The following SPAG16 variants were observed in gnomAD, a reference collection of about 807,000 sequenced individuals.
The protein encoded by SPAG16 is sperm-associated antigen 16 protein.
SPAG16 carries 86 observed loss-of-function variants against 80.4 expected under a neutral mutation model. The ratio of observed to expected loss-of-function variants is 1.07; its 90% CI spans 0.90 to 1.28. The LOEUF is 1.28. Ranked by LOEUF, SPAG16 falls within the 50% of genes most tolerant of loss-of-function variation. The pLI, the probability that SPAG16 is intolerant of heterozygous loss-of-function variation, is 0.00. For synonymous variants in SPAG16, 294 were observed against 265.9 expected, an observed-to-expected ratio of 1.11 and a Z score of -1.03; for missense variants, 870 against 765.3, an observed-to-expected ratio of 1.14 and a Z score of -1.61.
rs1329813118 is a variant in SPAG16 at position 214,026,902 on chromosome 2, C to G, written c.1527+12825C>G. 2.6e-5 allele frequency among the ~76,000 whole-genome samples: 4 copies of G among 151,538 alleles called. No homozygotes were observed. In the South Asian group the frequency reaches 6.2e-4, roughly 24 times the overall value. On this transcript the variant is annotated intron_variant, in intron 13 of 15. Transcript: ENST00000331683. ...GACTTCTTCAGTAAATCAAAGTCAT[C>G]ATTTTTTTCCCTTCAGCCTTTCCCC... is the stretch of plus-strand genomic sequence containing the variant.
At position 213,773,704 on chromosome 2, in the gene SPAG16, C is replaced by T. The variant is rs936066585; in HGVS notation, c.1071-88781C>T. 3.9e-4 allele frequency among the ~76,000 whole-genome samples: 60 copies of T among 152,218 alleles called. 1 individual carries two copies. Among genetic ancestry groups the T allele is most frequent in the African/African-American group, 1.4e-3 (58 of 41,542 alleles). On this transcript the variant is annotated intron_variant, in intron 10 of 15. Transcript: ENST00000331683. ...GAGTAGCTGGGATTACAGGCACCTG[C>T]CACCACGCCTGGCTAATTTTTGTAT...
intron 14 of SPAG16, among the ~76,000 whole-genome samples, chr2:214,134,968 C>T (rs2054969053): frequency 6.6e-6 from 1 of 152,168 alleles, no homozygotes; most frequent in Non-Finnish European, 1.5e-5. Flanking sequence ...AAAATGACAC[C>T]TTCCTGCCTT....
At chr2:214,340,485 T>C (rs929595935) in intron 15 of SPAG16, among the ~76,000 whole-genome samples, 1 of 152,170 alleles carries the variant, frequency 6.6e-6, no homozygotes, top group African/African-American at 2.4e-5. Context: ...TGCAACATTC[T>C]TAGAGGGAGA....
At chr2:214,177,246 CT>C (rs2057122279) in intron 15 of SPAG16, among the ~76,000 whole-genome samples, 1 of 151,128 alleles carries the variant, frequency 6.6e-6, no homozygotes, top group Admixed American at 6.6e-5. Context: ...CTCAAAGTCC[CT>C]GAATTTTCCT....
At chr2:214,023,174 A>C (rs1224150758) in intron 13 of SPAG16, among the ~76,000 whole-genome samples, 1 of 151,936 alleles carries the variant, frequency 6.6e-6, no homozygotes, top group Non-Finnish European at 1.5e-5. Flanking sequence ...TATGTTCAAC[A>C]GGCCTTTGTT....
At chr2:213,485,254 A>G (rs1168428463) in intron 9 of SPAG16, among the ~76,000 whole-genome samples, 1 of 152,148 alleles carries the variant, frequency 6.6e-6, no homozygotes, top group African/African-American at 2.4e-5. Flanking sequence ...TTGGCCTACC[A>G]AAATGTTAGG....
intron 12 of SPAG16, among the ~76,000 whole-genome samples, chr2:213,949,179 T>TTTTTTTTTTTTGTTTTG (rs2079612309): frequency 2.8e-5 from 1 of 36,242 alleles, no homozygotes; most frequent in Non-Finnish European, 5.5e-5. Flanking sequence ...GTTTTTTTTT[T>TTTTTTTTTTTTGTTTTG]TTTTTTTTTT....
chr2:213,575,332 T>C (rs937777751), intron 10 of SPAG16, among the ~76,000 whole-genome samples: 4 of 152,206 alleles, frequency 2.6e-5, no homozygotes, highest in African/African-American at 9.6e-5. Context: ...TATAGGATTT[T>C]GTTTTGTTTT....
chr2:213,949,178 T>TTTTTTTTTTTTTTTTTTTTTTGTTTTG (rs1559620229), intron 12 of SPAG16, among the ~76,000 whole-genome samples: 7 of 19,168 alleles, frequency 3.7e-4, no homozygotes, highest in Non-Finnish European at 8.1e-4. Context: ...AGTTTTTTTT[T>TTTTTTTTTTTTTTTTTTTTTTGTTTTG]TTTTTTTTTT....
At chr2:213,974,816 A>G (rs777623860) in intron 12 of SPAG16, among the ~76,000 whole-genome samples, 3 of 152,028 alleles carry the variant, frequency 2.0e-5, no homozygotes, top group Non-Finnish European at 2.9e-5. Context: ...GGCTTGCCAC[A>G]TAACCAGCAA....
At chr2:214,073,358 C>T (rs1193004662) in intron 13 of SPAG16, among the ~76,000 whole-genome samples, 3 of 151,884 alleles carry the variant, frequency 2.0e-5, no homozygotes, top group African/African-American at 7.3e-5. Context: ...CTGCCTCAGC[C>T]TCCTGAGTAG....
At chr2:213,831,596 C>T (rs1021875849) in intron 10 of SPAG16, among the ~76,000 whole-genome samples, 1 of 151,978 alleles carries the variant, frequency 6.6e-6, no homozygotes, top group African/African-American at 2.4e-5. Context: ...AAATTTTCTT[C>T]ATTTGTGTCA....
intron 13 of SPAG16, among the ~76,000 whole-genome samples, chr2:214,023,469 C>G (rs887367967): frequency 1.3e-5 from 2 of 151,394 alleles, no homozygotes; most frequent in Non-Finnish European, 3.0e-5. Flanking sequence ...TCAGAACTTA[C>G]AGTCATATCA....
intron 10 of SPAG16, among the ~76,000 whole-genome samples, chr2:213,755,423 G>T (rs778398229): frequency 6.6e-6 from 1 of 152,034 alleles, no homozygotes; most frequent in Non-Finnish European, 1.5e-5. Context: ...ATAAAATCCT[G>T]GTAGAGACAT....
At chr2:214,395,079 T>A (rs897676017) in intron 15 of SPAG16, among the ~76,000 whole-genome samples, 1 of 152,222 alleles carries the variant, frequency 6.6e-6, no homozygotes, top group Admixed American at 6.5e-5. Flanking sequence ...TTCCATTGTC[T>A]GGATGTACCA....
intron 12 of SPAG16, among the ~76,000 whole-genome samples, chr2:213,971,965 G>A (rs1461367694): frequency 6.6e-6 from 1 of 151,054 alleles, no homozygotes; most frequent in Non-Finnish European, 1.5e-5. Flanking sequence ...TAGTTTTTGT[G>A]GGTGCATAGC....
chr2:214,225,497 T>C (rs1263283703), intron 15 of SPAG16, among the ~76,000 whole-genome samples: 1 of 152,090 alleles, frequency 6.6e-6, no homozygotes, highest in Admixed American at 6.6e-5. Flanking sequence ...ATAAGAAACA[T>C]GAATATCAAT....
intron 7 of SPAG16, among the ~76,000 whole-genome samples, chr2:213,352,452 G>A (rs2065385898): frequency 6.6e-6 from 1 of 152,054 alleles, no homozygotes. Flanking sequence ...CCAAGCTTAA[G>A]CTTTTGCTAC....
At chr2:213,919,614 TCA>T (rs1253347589) in intron 11 of SPAG16, among the ~76,000 whole-genome samples, 2 of 152,226 alleles carry the variant, frequency 1.3e-5, no homozygotes, top group African/African-American at 4.8e-5. Context: ...AGTGATTATT[TCA>T]GTCTTGATAT....
Sources: allele counts gnomAD v4.1 joint callset (sites outside exome capture counted in the v4.1 genomes callset), GRCh38; gene constraint gnomAD v4.1.1; transcripts MANE v1.5; gene names NCBI Gene and HGNC (gene_info 2026-07-23, HGNC 2026-07-21).